LAMA3: variants seen among roughly 807,000 people sequenced by gnomAD.
LAMA3 encodes the protein laminin subunit alpha-3.
In LAMA3, 281 loss-of-function variants were observed where a neutral mutation model predicts 402.0. The ratio of observed to expected loss-of-function variants is 0.70; its 90% CI spans 0.63 to 0.77. LAMA3 has a LOEUF of 0.77. Ranked by LOEUF, LAMA3 falls within the 30% of genes least tolerant of loss-of-function variation. LAMA3 has a pLI of 0.00. For synonymous variants in LAMA3, 1,431 were observed against 1,558.4 expected, an observed-to-expected ratio of 0.92 and a Z score of 1.93; for missense variants, 3,840 against 4,215.5, an observed-to-expected ratio of 0.91 and a Z score of 2.47.
chr18:23,866,884 C>A (rs762600563), intron 36 of LAMA3, among the ~76,000 whole-genome samples: 2 of 152,176 alleles, frequency 1.3e-5, no homozygotes, highest in Non-Finnish European at 2.9e-5. Context: ...TAATGAAATA[C>A]CAAACACCTT....
Position 23,831,913 on chromosome 18 carries a change from ACT to A in LAMA3, c.2824-1914_2824-1913del, listed in dbSNP as rs139411065. ...ACCAGAAATATTCCTCCAGTTTGACACTGATTCCATTAAAGTTCACCTTTTTA... is the reference window on the plus strand; with the variant it reads ...ACCAGAAATATTCCTCCAGTTTGACAGATTCCATTAAAGTTCACCTTTTTA... On this transcript the variant is annotated intron_variant, in intron 23 of 74. Coordinates refer to ENST00000313654, the MANE Select transcript of LAMA3 (RefSeq NM_198129.4). Among the ~76,000 whole-genome samples the A allele has an allele frequency of 1.4e-4, 22 of 152,306 alleles. No individual in the cohort carries two copies. The East Asian group carries it at 3.7e-3, about 25-fold the overall frequency.
At position 23,899,352 on chromosome 18, in the gene LAMA3, C is replaced by T. The variant is rs1190103321; in HGVS notation, c.5901C>T (p.Ser1967=). The part of the protein sequence containing the change: ...EGNNVPSGDF[S]REWAEAQRMM... ...ACAACGTGCCTTCAGGTGACTTTTCCAGAGAGTGGGCTGAAGCCCAGCGCA... is the reference window on the plus strand; with the variant it reads ...ACAACGTGCCTTCAGGTGACTTTTCTAGAGAGTGGGCTGAAGCCCAGCGCA... Residue 1967 remains serine, a synonymous_variant, in exon 47 of 75, where the codon TCC becomes TCT. Transcript: ENST00000313654. 6.2e-7 allele frequency: 1 copy of T among 1,614,034 alleles called. No homozygotes were observed. The highest frequency in any genetic ancestry group is 1.7e-5 in the Admixed American group (1 of 60,012).
At chr18:23,873,490 A>G (rs529461236) in intron 38 of LAMA3, among the ~76,000 whole-genome samples, 16 of 152,330 alleles carry the variant, frequency 1.1e-4, no homozygotes, top group African/African-American at 3.8e-4. Flanking sequence ...ATGAAACTTT[A>G]TGCCCTTTAG....
chr18:23,760,812 C>G (rs2061951889), intron 7 of LAMA3, among the ~76,000 whole-genome samples: 1 of 152,188 alleles, frequency 6.6e-6, no homozygotes, highest in South Asian at 2.1e-4. Context: ...AAGAGTAAGG[C>G]ACCAGCAGAT....
intron 65 of LAMA3, 74 bp downstream of exon 65, chr18:23,931,275 T>G: frequency 7.3e-7 from 1 of 1,378,718 alleles, no homozygotes; most frequent in Non-Finnish European, 1.0e-6. Context: ...TTTTCTGGTG[T>G]CTTTTTGCAA....
chr18:23,771,413 G>A (rs1288741941), intron 8 of LAMA3, among the ~76,000 whole-genome samples: 1 of 152,222 alleles, frequency 6.6e-6, no homozygotes, highest in Admixed American at 6.5e-5. Context: ...AGTTGATGAT[G>A]GAGATTGACT....
intron 8 of LAMA3, among the ~76,000 whole-genome samples, chr18:23,765,666 G>A (rs2062061125): frequency 6.6e-6 from 1 of 152,078 alleles, no homozygotes; most frequent in South Asian, 2.1e-4. Context: ...TAGCAGTTAA[G>A]GATTTTAGAG....
intron 35 of LAMA3, among the ~76,000 whole-genome samples, chr18:23,862,475 C>T (rs1300918558): frequency 2.0e-5 from 3 of 152,180 alleles, no homozygotes; most frequent in Non-Finnish European, 4.4e-5. Flanking sequence ...GGGCCTGGCT[C>T]AGGGGATGCC....
At chr18:23,773,726 C>T in intron 9 of LAMA3, 139 bp downstream of exon 9, 2 of 688,328 alleles carry the variant, frequency 2.9e-6, no homozygotes, top group South Asian at 3.1e-5. Flanking sequence ...TATGTGACCT[C>T]AGTCACTTAC....
At chr18:23,758,542 G>C in intron 7 of LAMA3, 31 bp downstream of exon 7, 3 of 1,408,130 alleles carry the variant, frequency 2.1e-6, no homozygotes, top group Non-Finnish European at 2.8e-6. Flanking sequence ...GGGGCCACAC[G>C]TGGCCTTCTC....
In LAMA3 at chr18:23,749,455, T is replaced by C. The variant is rs140929432; in HGVS notation, c.593T>C (p.Phe198Ser). 2.5e-6 allele frequency: 4 copies of C among 1,608,152 alleles called. No individual in the cohort carries two copies. The highest frequency in any genetic ancestry group is 2.2e-5 in the South Asian group (2 of 90,874). Residue 198 changes from phenylalanine (F) to serine (S), a missense_variant, in exon 4 of 75, where the codon TTT (phenylalanine) becomes TCT (serine). Transcript: ENST00000313654. ...TCTAAAGTAGACTGTTTAAAAGAAT[T>C]TGGGCGGGAGGCAAATATGGCTGTC... is the stretch of plus-strand genomic sequence containing the variant. ...AHSKVDCLKE[F>S]GREANMAVTR...
intron 70 of LAMA3, among the ~76,000 whole-genome samples, chr18:23,947,829 T>C (rs1461437268): frequency 8.7e-6 from 1 of 114,362 alleles, no homozygotes; most frequent in Admixed American, 8.7e-5. Flanking sequence ...TTTTTTTTTT[T>C]GAGACGGAGT....
intron 66 of LAMA3, 105 bp downstream of exon 66, chr18:23,932,396 A>T: frequency 8.0e-7 from 1 of 1,251,970 alleles, no homozygotes; most frequent in South Asian, 1.2e-5. Flanking sequence ...CATGTGCTGC[A>T]CGAGACCCGC....
At chr18:23,723,181 C>A (rs969564502) in intron 2 of LAMA3, among the ~76,000 whole-genome samples, 1 of 152,194 alleles carries the variant, frequency 6.6e-6, no homozygotes, top group Non-Finnish European at 1.5e-5. Context: ...GATGTTACTT[C>A]CCAGAATATT....
intron 13 of LAMA3, among the ~76,000 whole-genome samples, chr18:23,811,697 G>A (rs777389965): frequency 3.3e-5 from 5 of 151,950 alleles, no homozygotes; most frequent in Admixed American, 6.6e-5. Flanking sequence ...TGGGTATTAC[G>A]GAAAAATGCA....
In LAMA3 at chr18:23,915,295, A is replaced by C. The variant is rs2081574563; in HGVS notation, c.7651A>C (p.Ser2551Arg). 2 of 1,613,388 alleles carry C rather than the reference A, an allele frequency of 1.2e-6. No individual in the cohort carries two copies. Among genetic ancestry groups the C allele is most frequent in the African/African-American group, 2.7e-5 (2 of 74,914 alleles). ...TGTTTTATTTCATTTTCAGCTTCCC[A>C]GTCGACTAAGTTTCCCTCCATACAA... ...GGYPPDFKLP[S>R]RLSFPPYKGC... The change falls in exon 59 of 75, where the codon AGT becomes CGT. Residue 2551 changes from serine (S) to arginine (R), a missense_variant. Physicochemically the swap from Ser to Arg is moderately radical, Grantham distance 110. Around this residue, in one of 3 missense-constraint regions of LAMA3, gnomAD observed 840 missense variants for 981.9 expected, o/e 0.86. Coordinates refer to ENST00000313654, the MANE Select transcript of LAMA3 (RefSeq NM_198129.4).
intron 56 of LAMA3, among the ~76,000 whole-genome samples, chr18:23,913,468 G>A (rs1380699307): frequency 6.6e-6 from 1 of 152,160 alleles, no homozygotes; most frequent in Non-Finnish European, 1.5e-5. Flanking sequence ...ACCCATACAG[G>A]CATTTTGAAT....
chr18:23,844,639 A>G (rs1040267572), intron 29 of LAMA3, among the ~76,000 whole-genome samples: 5 of 152,190 alleles, frequency 3.3e-5, no homozygotes, highest in African/African-American at 1.2e-4. Flanking sequence ...ATCCTGATTC[A>G]TTTGGTCTTG....
chr18:23,858,633 G>C (rs895459385), intron 33 of LAMA3, 56 bp from the exon 34 acceptor site: 17 of 1,582,398 alleles, frequency 1.1e-5, no homozygotes, highest in Middle Eastern at 3.3e-4. Flanking sequence ...GTAGCTAATT[G>C]CAACTAGGGA....
Sources: allele counts gnomAD v4.1 joint callset (sites outside exome capture counted in the v4.1 genomes callset), GRCh38; gene constraint gnomAD v4.1.1; regional missense constraint gnomAD v4.1.1; transcripts MANE v1.5; gene names NCBI Gene and HGNC (gene_info 2026-07-23, HGNC 2026-07-21).